Variants in COBL observed in about 807,000 individuals in gnomAD.
COBL encodes the protein protein cordon-bleu.
In COBL, 51 loss-of-function variants were observed where a neutral mutation model predicts 98.8. The observed-to-expected ratio is 0.52, with a 90% CI of 0.41 to 0.65. COBL has a LOEUF of 0.65. COBL is among the 30% of genes least tolerant of loss of function. COBL has a pLI of 0.00. For missense variants in COBL, 1,617 were observed against 1,617.5 expected (o/e 1.00, Z 0.01); for synonymous variants, 634 against 651.7 (o/e 0.97, Z 0.41).
chr7:51,307,737 AAC>A (rs1176431416), intron 1 of COBL, among the ~76,000 whole-genome samples: 6 of 152,386 alleles, frequency 3.9e-5, no homozygotes, highest in African/African-American at 1.4e-4. Context: ...CTGCATTCAG[AAC>A]ACAGTCTTTG....
intron 1 of COBL, among the ~76,000 whole-genome samples, chr7:51,296,046 C>T (rs777135569): frequency 6.6e-6 from 1 of 152,180 alleles, no homozygotes; most frequent in Admixed American, 6.5e-5. Flanking sequence ...CTAAGCCCCA[C>T]CCTACAAGTA....
chr7:51,082,346 C>A (rs1321692635), intron 7 of COBL, among the ~76,000 whole-genome samples: 3 of 152,074 alleles, frequency 2.0e-5, no homozygotes, highest in African/African-American at 7.2e-5. Flanking sequence ...AAGCGCAGGC[C>A]CGACGTGCCC....
chr7:51,073,374 C>A, intron 7 of COBL: 1 of 694,176 alleles, frequency 1.4e-6, no homozygotes. Context: ...GGGAATGACG[C>A]ACAGCAATAA....
At chr7:51,288,141 A>G (rs1800543727) in intron 1 of COBL, among the ~76,000 whole-genome samples, 1 of 152,192 alleles carries the variant, frequency 6.6e-6, no homozygotes, top group Admixed American at 6.5e-5. Context: ...AATTTAAAAA[A>G]TACAAATGGG....
rs759101457 is a variant in COBL at position 51,085,174 on chromosome 7, C to G, written c.1088G>C (p.Ser363Thr). ...GGCCGAGCCTCACTCACCCATCGTG[C>G]TCTTCCTGTTCTCCTCCTTATCCTC... ...RTEDKEENRKSTMVSLPLGSG... is the reference protein window; with the variant it reads ...RTEDKEENRKTTMVSLPLGSG... The change falls in exon 7 of 13, where the codon AGC (serine) becomes ACC (threonine). Residue 363 changes from serine (S) to threonine (T), a missense_variant. Transcript: ENST00000265136. 1 of 1,613,828 alleles carries G rather than the reference C, an allele frequency of 6.2e-7. No individual in the cohort carries two copies. Among genetic ancestry groups the G allele is most frequent in the South Asian group, 1.1e-5 (1 of 91,062 alleles).
At chr7:51,227,262 CT>C (rs1794297982) in intron 1 of COBL, among the ~76,000 whole-genome samples, 1 of 152,146 alleles carries the variant, frequency 6.6e-6, no homozygotes, top group African/African-American at 2.4e-5. Flanking sequence ...CAAGAACTTC[CT>C]TCAGTGCTCA....
At chr7:51,227,651 A>G (rs2129099498) in intron 1 of COBL, among the ~76,000 whole-genome samples, 1 of 151,850 alleles carries the variant, frequency 6.6e-6, no homozygotes. Context: ...TGAGTCTCAG[A>G]CTCCTAAGCC....
chr7:51,245,095 C>A (rs537717937), intron 1 of COBL, among the ~76,000 whole-genome samples: 4 of 152,274 alleles, frequency 2.6e-5, no homozygotes, highest in Admixed American at 2.6e-4. Flanking sequence ...CTTCCGAAAC[C>A]CGCGCCTTTA....
intron 5 of COBL, among the ~76,000 whole-genome samples, chr7:51,164,902 TTC>T (rs1787149313): frequency 6.6e-6 from 1 of 152,114 alleles, no homozygotes; most frequent in Admixed American, 6.5e-5. Flanking sequence ...TTTATTCATT[TTC>T]TTTTTGCTTA....
chr7:51,263,139 C>T (rs921098096), intron 1 of COBL, among the ~76,000 whole-genome samples: 7 of 152,126 alleles, frequency 4.6e-5, no homozygotes, highest in African/African-American at 1.2e-4. Flanking sequence ...CCCAGCTCAC[C>T]GGAAGCCACC....
chr7:51,281,810 T>C (rs1799841367), intron 1 of COBL, among the ~76,000 whole-genome samples: 1 of 152,072 alleles, frequency 6.6e-6, no homozygotes, highest in Admixed American at 6.6e-5. Flanking sequence ...AGAATAGAAA[T>C]AGTATGGAAA....
At chr7:51,287,723 G>T (rs193086689) in intron 1 of COBL, among the ~76,000 whole-genome samples, 9 of 152,180 alleles carry the variant, frequency 5.9e-5, no homozygotes, top group Admixed American at 3.9e-4. Context: ...CAAAACACTG[G>T]AGAAAACCCA....
In COBL at chr7:51,029,068, G is replaced by A. The variant is rs769175279; in HGVS notation, c.2028C>T (p.Ser676=). 6.2e-7 allele frequency: 1 copy of A among 1,614,182 alleles called. No homozygotes were observed. Among genetic ancestry groups the A allele is most frequent in the East Asian group, 2.2e-5 (1 of 44,876 alleles). ...VNSQPVNEKD[S]NDKNAALAPT... is the part of the protein sequence containing the mutation. ...GTGCCAAGGCAGCGTTTTTATCGTT[G>A]CTGTCCTTTTCATTCACCGGTTGGG... Residue 676 remains serine (S), a synonymous_variant, in exon 10 of 13, where the codon AGC becomes AGT. Transcript: ENST00000265136.
In COBL at chr7:51,288,169, C is replaced by A. The variant is rs180949488; in HGVS notation, c.41+28424G>T. On this transcript the variant is annotated intron_variant, in intron 1 of 12. Coordinates refer to ENST00000265136, the MANE Select transcript of COBL (RefSeq NM_015198.5). ...CAAATGGGGGCCAGGCATGATGGCT[C>A]ACGTCTGTAATCCCAGCACTTTGGG... is the stretch of plus-strand genomic sequence containing the variant. Among the ~76,000 whole-genome samples the A allele has an allele frequency of 2.7e-3, 415 of 152,268 alleles. 1 individual carries two copies. Among genetic ancestry groups the A allele is most frequent in the Middle Eastern group, 0.017 (5 of 294 alleles).
chr7:51,205,644 T>C (rs958221620), intron 2 of COBL, among the ~76,000 whole-genome samples: 2 of 106,476 alleles, frequency 1.9e-5, no homozygotes, highest in African/African-American at 6.1e-5. Flanking sequence ...TTTTTGGTTT[T>C]TTGTTTTTTT....
chr7:51,300,916 G>T (rs898429101), intron 1 of COBL, among the ~76,000 whole-genome samples: 4 of 152,180 alleles, frequency 2.6e-5, no homozygotes, highest in Non-Finnish European at 5.9e-5. Context: ...TATCTGAGGT[G>T]CATGTGACTG....
At chr7:51,177,130 G>A (rs763194837) in intron 5 of COBL, among the ~76,000 whole-genome samples, 41 of 152,094 alleles carry the variant, frequency 2.7e-4, no homozygotes, top group Non-Finnish European at 2.9e-4. Context: ...TGATTCTGGG[G>A]TATAGACAAG....
intron 7 of COBL, among the ~76,000 whole-genome samples, chr7:51,066,874 G>A (rs1791985179): frequency 6.6e-6 from 1 of 152,252 alleles, no homozygotes; most frequent in Non-Finnish European, 1.5e-5. Context: ...GACGAAAGAT[G>A]AGGTTTGAGT....
At chr7:51,063,559 T>G (rs1791597912) in intron 7 of COBL, among the ~76,000 whole-genome samples, 1 of 152,186 alleles carries the variant, frequency 6.6e-6, no homozygotes, top group Admixed American at 6.5e-5. Context: ...CCTGCACTGA[T>G]CCATCTACAG....
Sources: gnomAD v4.1 joint callset for allele counts (sites outside exome capture counted in the v4.1 genomes callset) on GRCh38, gnomAD v4.1.1 for gene constraint, MANE v1.5 for transcripts, NCBI Gene and HGNC (gene_info 2026-07-23, HGNC 2026-07-21) for gene names.